CCDC18: variants seen among roughly 807,000 people sequenced by gnomAD.
The protein encoded by CCDC18 is coiled-coil domain containing 18.
CCDC18 carries 157 observed loss-of-function variants against 196.0 expected under a neutral mutation model. The ratio of observed to expected loss-of-function variants is 0.80; its 90% confidence interval spans 0.70 to 0.91. The LOEUF is 0.91. CCDC18 is among the 40% of genes least tolerant of loss of function. The pLI is 0.00. For synonymous variants in CCDC18, 482 were observed against 529.2 expected (o/e 0.91, Z 1.22); for missense variants, 1,465 against 1,611.6 (o/e 0.91, Z 1.56).
intron 21 of CCDC18, among the ~76,000 whole-genome samples, chr1:93,244,181 A>G (rs1661195566): frequency 2.0e-5 from 3 of 152,148 alleles, no homozygotes; most frequent in Admixed American, 2.0e-4. Context: ...AGACAAGAGA[A>G]CTTGTGCAGG....
chr1:93,190,928 G>T, intron 4 of CCDC18: 1 of 790,808 alleles, frequency 1.3e-6, no homozygotes, highest in Non-Finnish European at 2.2e-6. Flanking sequence ...TAACCACTCT[G>T]CTTCCTGTCA....
intron 28 of CCDC18, among the ~76,000 whole-genome samples, chr1:93,272,106 A>G (rs1477055479): frequency 3.3e-5 from 5 of 152,202 alleles, no homozygotes; most frequent in Non-Finnish European, 2.9e-5. Context: ...ACAGTTAAAA[A>G]CTATTTTTTT....
chr1:93,180,517 G>C (rs776326569), upstream of CCDC18: 43 of 1,531,252 alleles, frequency 2.8e-5, no homozygotes, highest in African/African-American at 5.5e-4. Context: ...TCCCCCTGAC[G>C]GCCTCCGGTT....
At chr1:93,246,255 C>A in intron 22 of CCDC18, 51 bp downstream of exon 22, 1 of 1,345,312 alleles carries the variant, frequency 7.4e-7, no homozygotes, top group Non-Finnish European at 1.0e-6. Context: ...ATGACACAGT[C>A]ACACAGGATT....
rs1182833944 is a variant in CCDC18 at position 93,214,832 on chromosome 1, C to A, written c.1585C>A (p.Arg529Ser). Residue 529 changes from arginine (R) to serine (S), a missense_variant, in exon 12 of 29, where the codon CGT becomes AGT. Coordinates refer to ENST00000690025, the MANE Select transcript of CCDC18 (RefSeq NM_001378204.1). Reference protein sequence around the residue: ...QRLVTGIEELRTKLIQIEAEN... With the variant: ...QRLVTGIEELSTKLIQIEAEN... The stretch of plus-strand genomic sequence containing the variant: ...ACTTGTTACTGGAATAGAAGAACTA[C>A]GTACTAAGCTGATACAAATAGAAGC... 1.2e-6 allele frequency: 2 copies of A among 1,612,950 alleles called. No individual in the cohort carries two copies. Among genetic ancestry groups the A allele is most frequent in the Admixed American group, 1.7e-5 (1 of 59,986 alleles).
At chr1:93,210,648 T>G (rs931923760) in intron 9 of CCDC18, among the ~76,000 whole-genome samples, 154 bp from the exon 10 acceptor site, 1 of 152,084 alleles carries the variant, frequency 6.6e-6, no homozygotes, top group Non-Finnish European at 1.5e-5. Context: ...CCAATTATCT[T>G]AATATTTCTT....
upstream of CCDC18, chr1:93,180,693 C>G (rs1030376801): frequency 7.4e-7 from 1 of 1,344,534 alleles, no homozygotes; most frequent in Non-Finnish European, 9.9e-7. Flanking sequence ...GGGCAGTGAC[C>G]GGGTAGGCGC....
upstream of CCDC18, chr1:93,180,088 A>C: frequency 1.2e-6 from 2 of 1,613,640 alleles, no homozygotes; most frequent in Non-Finnish European, 1.7e-6. Context: ...CTTCAGGGGC[A>C]TGGGCTGGTA....
chr1:93,247,100 C>A, intron 23 of CCDC18, 146 bp downstream of exon 23: 2 of 492,158 alleles, frequency 4.1e-6, no homozygotes, highest in Non-Finnish European at 7.4e-6. Flanking sequence ...TCTCTGTCAC[C>A]CAGGCTGGAG....
Position 93,270,623 on chromosome 1 carries a change from A to G in CCDC18, c.4162A>G (p.Thr1388Ala), listed in dbSNP as rs780331827. Reference sequence around the variant, plus strand: ...GAAAATGCAATTAGAACAGCCTTCAACATTAGAAGAAAGCCATAAGAATCT... The same window carrying G: ...GAAAATGCAATTAGAACAGCCTTCAGCATTAGAAGAAAGCCATAAGAATCT... ...LKKMQLEQPSTLEESHKNLTY... is the reference protein window; with the variant it reads ...LKKMQLEQPSALEESHKNLTY... Residue 1388 changes from threonine to alanine, a missense_variant, in exon 28 of 29, where the codon ACA (threonine) becomes GCA (alanine). By Grantham distance (58) the Thr-to-Ala change is moderately conservative. Transcript: ENST00000690025. The G allele has an allele frequency of 1.3e-6, 2 of 1,550,452 alleles. No homozygotes were observed. Among genetic ancestry groups the G allele is most frequent in the South Asian group, 2.4e-5 (2 of 84,060 alleles).
chr1:93,181,435 T>A (rs1649665733), intron 1 of CCDC18, among the ~76,000 whole-genome samples: 1 of 152,110 alleles, frequency 6.6e-6, no homozygotes, highest in South Asian at 2.1e-4. Flanking sequence ...ATGATGTTGT[T>A]AAGGTCGGTG....
chr1:93,184,059 C>T lies in CCDC18; in HGVS notation c.216C>T (p.His72=). Residue 72 remains histidine, a synonymous_variant, in exon 3 of 29, where the codon CAC becomes CAT. Transcript: ENST00000690025. Reference sequence around the variant, plus strand: ...TAATTTTGGATGTTCAGCCTAGCCACCCTGGACTTTTGAATTATTCACCTT... The same window carrying T: ...TAATTTTGGATGTTCAGCCTAGCCATCCTGGACTTTTGAATTATTCACCTT... ...EKLILDVQPS[H]PGLLNYSPYE... The T allele has an allele frequency of 6.3e-7, 1 of 1,592,034 alleles. No individual in the cohort carries two copies. Among genetic ancestry groups the T allele is most frequent in the Middle Eastern group, 1.7e-4 (1 of 5,986 alleles).
In CCDC18 at chr1:93,264,729, A is replaced by G. The variant is rs150865801; in HGVS notation, c.3713A>G (p.Lys1238Arg). Residue 1238 changes from lysine (K) to arginine (R), a missense_variant, in exon 27 of 29, where the codon AAG becomes AGG. Lys to Arg is a conservative substitution (Grantham distance 26). Coordinates refer to ENST00000690025, the MANE Select transcript of CCDC18 (RefSeq NM_001378204.1). The stretch of plus-strand genomic sequence containing the variant: ...ATTTCACATCAAGAGAACCATGCAA[A>G]GTGGAAGATTTCTGCTGACTCTCAA... ...EMISHQENHAKWKISADSQKS... is the reference protein window; with the variant it reads ...EMISHQENHARWKISADSQKS... The G allele has an allele frequency of 9.5e-5, 154 of 1,612,786 alleles. 1 individual carries two copies. In the African/African-American group the frequency reaches 1.5e-3, roughly 15 times the overall value.
intron 28 of CCDC18, among the ~76,000 whole-genome samples, chr1:93,275,099 T>G (rs1318962965): frequency 9.2e-5 from 14 of 152,120 alleles, no homozygotes; most frequent in Non-Finnish European, 4.4e-5. Context: ...TCTGTAAAAT[T>G]TAATGAAAGA....
intron 23 of CCDC18, among the ~76,000 whole-genome samples, chr1:93,251,187 A>G (rs1308668658): frequency 6.6e-6 from 1 of 152,222 alleles, no homozygotes. Flanking sequence ...TCAAAAACTG[A>G]TATCAACTGT....
intron 1 of CCDC18, among the ~76,000 whole-genome samples, chr1:93,182,750 C>T (rs1307553905): frequency 1.3e-5 from 2 of 152,006 alleles, no homozygotes; most frequent in Non-Finnish European, 2.9e-5. Flanking sequence ...GTAAATGTGT[C>T]TTTTTAAAAT....
chr1:93,242,826 T>G (rs1661000774), intron 21 of CCDC18, among the ~76,000 whole-genome samples: 2 of 152,224 alleles, frequency 1.3e-5, no homozygotes, highest in Non-Finnish European at 2.9e-5. Context: ...AGTTAAATCT[T>G]AAAGCTCCAA....
rs758864711 is a variant in CCDC18 at position 93,256,394 on chromosome 1, G to T, written c.3402G>T (p.Gly1134=). The T allele has an allele frequency of 1.9e-6, 3 of 1,613,916 alleles. No homozygotes were observed. In the African/African-American group the frequency reaches 4.0e-5, roughly 22 times the overall value. The change falls in exon 25 of 29, where the codon GGG becomes GGT. Residue 1134 remains glycine, a synonymous_variant. Transcript: ENST00000690025. ...ATQYKEAIDL[G]QELRLTREQV... The stretch of plus-strand genomic sequence containing the variant: ...AGTACAAGGAGGCCATAGATTTGGG[G>T]CAAGAATTGAGGCTGACCCGGGAGC...
intron 4 of CCDC18, among the ~76,000 whole-genome samples, chr1:93,187,803 C>T (rs1309926863): frequency 1.3e-5 from 2 of 152,122 alleles, no homozygotes; most frequent in African/African-American, 2.4e-5. Flanking sequence ...CAAGCATTTA[C>T]ATTTGGTTCC....
Sources: gnomAD v4.1 joint callset for allele counts (sites outside exome capture counted in the v4.1 genomes callset) on GRCh38, gnomAD v4.1.1 for gene constraint, MANE v1.5 for transcripts, NCBI Gene and HGNC (gene_info 2026-07-23, HGNC 2026-07-21) for gene names.